HIRA: variants seen among roughly 807,000 people sequenced by gnomAD.
HIRA encodes the protein histone cell cycle regulator.
In HIRA, 13 loss-of-function variants were observed where a neutral mutation model predicts 126.6. The observed-to-expected ratio is 0.10, with a 90% CI of 0.07 to 0.16. HIRA has a LOEUF of 0.16. HIRA is among the 10% of genes least tolerant of loss of function. The pLI, the probability that HIRA is intolerant of heterozygous loss-of-function variation, is 1.00. For missense variants in HIRA, 834 were observed against 1,314.4 expected, an observed-to-expected ratio of 0.63 and a Z score of 5.65; for synonymous variants, 511 against 520.0, an observed-to-expected ratio of 0.98 and a Z score of 0.24.
intron 15 of HIRA, among the ~76,000 whole-genome samples, chr22:19,367,567 A>G (rs1344995772): frequency 6.6e-6 from 1 of 152,150 alleles, no homozygotes; most frequent in Non-Finnish European, 1.5e-5. Flanking sequence ...AAGTTTTGCC[A>G]TGTTGGCCAG....
intron 22 of HIRA, 138 bp downstream of exon 22, chr22:19,353,858 G>T: frequency 9.3e-7 from 1 of 1,070,922 alleles, no homozygotes; most frequent in South Asian, 1.6e-5. Context: ...TGCCCAGCCT[G>T]CCTGTGCTGA....
intron 2 of HIRA, among the ~76,000 whole-genome samples, chr22:19,410,023 C>T (rs2089339650): frequency 1.3e-5 from 2 of 152,204 alleles, no homozygotes; most frequent in African/African-American, 4.8e-5. Context: ...CTAAGTGCTG[C>T]CTGGGGAGGC....
In HIRA at chr22:19,354,173, C is replaced by G. The variant is rs2088787463; in HGVS notation, c.2562-55G>C. 8.3e-6 allele frequency: 13 copies of G among 1,563,534 alleles called. No individual in the cohort carries two copies. In the South Asian group the frequency reaches 1.4e-4, roughly 17 times the overall value. ...AGGAAAACCAAGAGATCTGGTTGGC[C>G]TCTTTGCCAACCAGAGAAGGCTGGC... On this transcript the variant is annotated intron_variant, in intron 21 of 24. Coordinates refer to ENST00000263208, the MANE Select transcript of HIRA (RefSeq NM_003325.4).
In HIRA at chr22:19,330,709, A is replaced by G. The variant is rs2088474481; in HGVS notation, c.*731T>C. 1 of 155,314 alleles carries G rather than the reference A, an allele frequency of 6.4e-6. No homozygotes were observed. Among genetic ancestry groups the G allele is most frequent in the Non-Finnish European group, 1.4e-5 (1 of 69,900 alleles). 9.6% of individuals were successfully genotyped at this position (155,314 alleles called of 1,614,324 possible). On this transcript the variant is annotated 3_prime_UTR_variant, in exon 25 of 25. Transcript: ENST00000263208. ...AGAAATCAGGAGGGTTTGGTATTCAATGCGTGTTCATTTATTTTACACTTA... is the reference window on the plus strand; with the variant it reads ...AGAAATCAGGAGGGTTTGGTATTCAGTGCGTGTTCATTTATTTTACACTTA...
chr22:19,384,601 A>T (rs1365915675), intron 12 of HIRA, among the ~76,000 whole-genome samples: 1 of 151,888 alleles, frequency 6.6e-6, no homozygotes, highest in Non-Finnish European at 1.5e-5. Context: ...GGGCTAAAGG[A>T]CTGAGCTCTG....
At position 19,396,808 on chromosome 22, in the gene HIRA, G is replaced by A. The variant is rs1303291270; in HGVS notation, c.633C>T (p.Ser211=). Residue 211 remains serine, a synonymous_variant, in exon 7 of 25, where the codon AGC becomes AGT. Coordinates refer to ENST00000263208, the MANE Select transcript of HIRA (RefSeq NM_003325.4). ...WRTLDWQLET[S]ITKPFDECGG... is the part of the protein sequence containing the mutation. ...TTACCTCATCAAAAGGCTTGGTGAT[G>A]CTGGTCTCCAACTGCCAGTCCAGCG... The A allele has an allele frequency of 6.2e-6, 10 of 1,614,062 alleles. No individual in the cohort carries two copies. In the Admixed American group the frequency reaches 1.5e-4, roughly 24 times the overall value.
chr22:19,380,142 T>C (rs974460697), intron 13 of HIRA, among the ~76,000 whole-genome samples: 1 of 152,176 alleles, frequency 6.6e-6, no homozygotes, highest in African/African-American at 2.4e-5. Context: ...TTTTAAAATT[T>C]TTGTGTACTC....
chr22:19,337,834 C>T (rs2088583128), intron 24 of HIRA, among the ~76,000 whole-genome samples: 1 of 152,090 alleles, frequency 6.6e-6, no homozygotes, highest in Non-Finnish European at 1.5e-5. Context: ...CTTTGTCATC[C>T]AGGCTGGAGT....
intron 15 of HIRA, among the ~76,000 whole-genome samples, chr22:19,373,645 G>A (rs1291128750): frequency 1.3e-5 from 2 of 152,120 alleles, no homozygotes; most frequent in Non-Finnish European, 2.9e-5. Context: ...CCACATGAGG[G>A]CAGACCTGTG....
At chr22:19,424,280 C>A (rs2089471859) in intron 1 of HIRA, among the ~76,000 whole-genome samples, 1 of 152,220 alleles carries the variant, frequency 6.6e-6, no homozygotes, top group South Asian at 2.1e-4. Flanking sequence ...ATGATTGATG[C>A]AAGAGAGGGC....
intron 2 of HIRA, 67 bp downstream of exon 2, chr22:19,410,649 G>T: frequency 1.8e-6 from 2 of 1,133,476 alleles, no homozygotes; most frequent in South Asian, 1.3e-5. Flanking sequence ...ACAGCTAAAT[G>T]GACAGCAGGA....
At position 19,353,530 on chromosome 22, in the gene HIRA, C is replaced by G. The variant is rs1556011573; in HGVS notation, c.2685-11G>C. 3 of 1,591,912 alleles carry G rather than the reference C, an allele frequency of 1.9e-6. No homozygotes were observed. Among genetic ancestry groups the G allele is most frequent in the Admixed American group, 1.7e-5 (1 of 58,628 alleles). On this transcript the variant is annotated splice_polypyrimidine_tract_variant and intron_variant, in intron 22 of 24. Transcript: ENST00000263208. ...GCCTGCCTTCCCGAGCTGCAGAGACCAGGAGAGTTTCCATGATGGGGCAGC... is the reference window on the plus strand; with the variant it reads ...GCCTGCCTTCCCGAGCTGCAGAGACGAGGAGAGTTTCCATGATGGGGCAGC...
At chr22:19,390,769 T>C (rs2089173558) in intron 9 of HIRA, among the ~76,000 whole-genome samples, 1 of 152,050 alleles carries the variant, frequency 6.6e-6, no homozygotes. Flanking sequence ...TCTGTGGACA[T>C]AAGCACTTAT....
intron 23 of HIRA, among the ~76,000 whole-genome samples, chr22:19,352,203 A>G (rs1050556193): frequency 6.6e-6 from 1 of 151,866 alleles, no homozygotes; most frequent in Admixed American, 6.6e-5. Context: ...CAGGTGGAAG[A>G]TGGAGAAAGA....
At chr22:19,407,121 T>G in intron 4 of HIRA, 63 bp downstream of exon 4, 1 of 1,369,268 alleles carries the variant, frequency 7.3e-7, no homozygotes, top group South Asian at 1.2e-5. Flanking sequence ...AAAGGTGACT[T>G]TGATAAAGAC....
intron 5 of HIRA, among the ~76,000 whole-genome samples, chr22:19,403,239 C>G (rs890900100): frequency 6.6e-6 from 1 of 152,084 alleles, no homozygotes; most frequent in Non-Finnish European, 1.5e-5. Context: ...CTTTTCCCAT[C>G]TAACTTCCTA....
chr22:19,356,843 T>C, intron 19 of HIRA, 47 bp downstream of exon 19: 1 of 1,592,512 alleles, frequency 6.3e-7, no homozygotes, highest in South Asian at 1.1e-5. Flanking sequence ...TACACAGCCC[T>C]GTCCTGCCCT....
Position 19,398,151 on chromosome 22 carries a change from G to C in HIRA, c.398-64C>G, listed in dbSNP as rs1268030886. 3.9e-6 allele frequency: 5 copies of C among 1,281,390 alleles called. No homozygotes were observed. In the East Asian group the frequency reaches 9.6e-5, roughly 24 times the overall value. 79.4% of individuals were successfully genotyped at this position (1,281,390 alleles called of 1,614,324 possible). A position where few individuals can be genotyped will look rare whatever the true frequency, so the allele number is the denominator to read the frequency against. ...TGGTGATGCCCTTGTCTATTAGCTT[G>C]GCCAGTGCCCCTGGGACCTGGGACC... On this transcript the variant is annotated intron_variant, in intron 5 of 24. Coordinates refer to ENST00000263208, the MANE Select transcript of HIRA (RefSeq NM_003325.4).
chr22:19,341,360 G>C (rs2088626087), intron 24 of HIRA, among the ~76,000 whole-genome samples: 1 of 150,698 alleles, frequency 6.6e-6, no homozygotes, highest in Non-Finnish European at 1.5e-5. Flanking sequence ...TGAGGTGCAG[G>C]ATCACTTGAG....
Sources: gnomAD v4.1 joint callset for allele counts (sites outside exome capture counted in the v4.1 genomes callset) on GRCh38, gnomAD v4.1.1 for gene constraint, MANE v1.5 for transcripts, NCBI Gene and HGNC (gene_info 2026-07-23, HGNC 2026-07-21) for gene names.